Variants in UBE2N observed in about 807,000 individuals in gnomAD.
The protein encoded by UBE2N is ubiquitin conjugating enzyme E2 N.
For missense variants in UBE2N, 60 were observed against 192.1 expected (o/e 0.31, Z 4.07); for synonymous variants, 70 against 69.2 (o/e 1.01, Z -0.06).
rs1251404386 is a variant in UBE2N at position 93,409,819 on chromosome 12, A to G, written c.*220T>C. ...GGGCCACTGCTTTTAAACGTTTCAC[A>G]ACAATCCAGATGATACTTCTAGCCT... On this transcript the variant is annotated 3_prime_UTR_variant, in exon 4 of 4. Transcript: ENST00000318066. 1.6e-5 allele frequency: 9 copies of G among 546,788 alleles called. No homozygotes were observed. Among genetic ancestry groups the G allele is most frequent in the Non-Finnish European group, 2.6e-5 (8 of 306,016 alleles). The allele number at this position is 546,788 out of a possible 1,614,324, so 33.9% of individuals were successfully genotyped here.
Position 93,419,187 on chromosome 12 carries a change from G to A in UBE2N, c.31-7888C>T, listed in dbSNP as rs544518929. ...GGCCGAGGCGGGCAGATCACCTGAG[G>A]TCAGGAGTTCGAGACCAACATGGAG... is the stretch of plus-strand genomic sequence containing the variant. On this transcript the variant is annotated intron_variant, in intron 1 of 3. Transcript: ENST00000318066. 1.7e-3 allele frequency among the ~76,000 whole-genome samples: 255 copies of A among 152,226 alleles called. 1 individual carries two copies. The highest frequency in any genetic ancestry group is 6.1e-3 in the African/African-American group (252 of 41,540).
intron 1 of UBE2N, among the ~76,000 whole-genome samples, chr12:93,436,063 C>G (rs1170918653): frequency 2.6e-5 from 4 of 152,134 alleles, no homozygotes; most frequent in Non-Finnish European, 4.4e-5. Flanking sequence ...GGTAAGTTAA[C>G]TACTTTTTCC....
chr12:93,411,565 A>G (rs1422974904), intron 1 of UBE2N, among the ~76,000 whole-genome samples: 1 of 152,246 alleles, frequency 6.6e-6, no homozygotes, highest in East Asian at 1.9e-4. Context: ...TTAGCTTAAT[A>G]AAACTGATTT....
intron 3 of UBE2N, chr12:93,410,519 G>A: frequency 3.1e-6 from 2 of 649,182 alleles, no homozygotes; most frequent in Admixed American, 3.0e-5. Flanking sequence ...GTAGTTACAA[G>A]AGACTCCAAG....
intron 1 of UBE2N, among the ~76,000 whole-genome samples, chr12:93,440,228 C>T (rs1230087427): frequency 1.3e-5 from 2 of 152,148 alleles, no homozygotes; most frequent in Non-Finnish European, 2.9e-5. Flanking sequence ...ATTCATTTTT[C>T]AACTGGGGCC....
At chr12:93,411,352 C>A (rs1878024804) in intron 1 of UBE2N, 53 bp from the exon 2 acceptor site, 1 of 1,540,584 alleles carries the variant, frequency 6.5e-7, no homozygotes, top group Admixed American at 2.2e-5. Flanking sequence ...TTGCTAGACA[C>A]CAAAAGTAAA....
At chr12:93,424,019 C>G (rs190108128) in intron 1 of UBE2N, among the ~76,000 whole-genome samples, 1 of 152,244 alleles carries the variant, frequency 6.6e-6, no homozygotes, top group East Asian at 1.9e-4. Context: ...AGCCATTCTC[C>G]TAATAACCAA....
At chr12:93,411,938 C>T (rs1267238549) in intron 1 of UBE2N, among the ~76,000 whole-genome samples, 3 of 152,066 alleles carry the variant, frequency 2.0e-5, no homozygotes, top group Admixed American at 6.6e-5. Flanking sequence ...GTGATTTGCT[C>T]GCCTTGGCTT....
chr12:93,432,157 G>A (rs1256914571), intron 1 of UBE2N, among the ~76,000 whole-genome samples: 5 of 152,144 alleles, frequency 3.3e-5, no homozygotes, highest in Non-Finnish European at 7.3e-5. Context: ...GCTTGAACCC[G>A]GGAGGCAGAG....
chr12:93,422,539 T>A (rs1404728654), intron 1 of UBE2N, among the ~76,000 whole-genome samples: 3 of 152,180 alleles, frequency 2.0e-5, no homozygotes, highest in African/African-American at 4.8e-5. Flanking sequence ...GGAGTGGGTA[T>A]ATAACTTAGT....
At chr12:93,415,978 A>G (rs954746740) in intron 1 of UBE2N, among the ~76,000 whole-genome samples, 2 of 152,234 alleles carry the variant, frequency 1.3e-5, no homozygotes, top group Non-Finnish European at 2.9e-5. Context: ...GAATGTACAT[A>G]TTAAGCACAT....
At chr12:93,434,285 C>T (rs1381144325) in intron 1 of UBE2N, among the ~76,000 whole-genome samples, 1 of 151,894 alleles carries the variant, frequency 6.6e-6, no homozygotes, top group Non-Finnish European at 1.5e-5. Flanking sequence ...AGCGAGACTC[C>T]GTCTCAACAA....
rs1440430739 is a variant in UBE2N at position 93,406,436 on chromosome 12, A to C, written c.*3603T>G. 5.9e-5 allele frequency: 9 copies of C among 152,132 alleles called. No homozygotes were observed. The highest frequency in any genetic ancestry group is 1.2e-4 in the African/African-American group (5 of 41,432). 9.4% of individuals were successfully genotyped at this position (152,132 alleles called of 1,614,324 possible). On this transcript the variant is annotated 3_prime_UTR_variant, in exon 4 of 4. Coordinates refer to ENST00000318066, the MANE Select transcript of UBE2N (RefSeq NM_003348.4). Reference sequence around the variant, plus strand: ...TTTCCTTCCCCATTCTCCATCAAACAACCATAGCACCTGTGACTTTTATCT... The same window carrying C: ...TTTCCTTCCCCATTCTCCATCAAACCACCATAGCACCTGTGACTTTTATCT...
In UBE2N at chr12:93,413,461, G is replaced by C. The variant is rs866576148; in HGVS notation, c.31-2162C>G. Among the ~76,000 whole-genome samples the C allele has an allele frequency of 2.6e-5, 4 of 151,996 alleles. No individual in the cohort carries two copies. The South Asian group carries it at 8.3e-4, about 32-fold the overall frequency. ...TGAAGCCTCCCCTAATTCATATCTA[G>C]CCCAGACCTCTCCCCTCATCGTGCC... On this transcript the variant is annotated intron_variant, in intron 1 of 3. Coordinates refer to ENST00000318066, the MANE Select transcript of UBE2N (RefSeq NM_003348.4).
intron 1 of UBE2N, among the ~76,000 whole-genome samples, chr12:93,422,102 G>A (rs751904680): frequency 6.6e-6 from 1 of 151,812 alleles, no homozygotes; most frequent in Non-Finnish European, 1.5e-5. Flanking sequence ...TTCCCTCTTT[G>A]TTTTTTCAAA....
At chr12:93,426,758 G>A (rs945238470) in intron 1 of UBE2N, among the ~76,000 whole-genome samples, 2 of 152,134 alleles carry the variant, frequency 1.3e-5, no homozygotes, top group African/African-American at 4.8e-5. Context: ...TTGTGATTCT[G>A]GAGGTAGGAC....
chr12:93,428,018 T>C (rs1878646563), intron 1 of UBE2N, among the ~76,000 whole-genome samples: 1 of 152,158 alleles, frequency 6.6e-6, no homozygotes, highest in African/African-American at 2.4e-5. Flanking sequence ...CAGGCTCAAG[T>C]GATCCTCCCA....
intron 1 of UBE2N, among the ~76,000 whole-genome samples, chr12:93,440,668 C>T (rs1351445277): frequency 1.3e-5 from 2 of 152,182 alleles, no homozygotes; most frequent in Admixed American, 1.3e-4. Context: ...CAAAATGATG[C>T]TGCAATTGAG....
At chr12:93,412,901 G>C (rs1459074672) in intron 1 of UBE2N, among the ~76,000 whole-genome samples, 1 of 152,184 alleles carries the variant, frequency 6.6e-6, no homozygotes, top group East Asian at 1.9e-4. Context: ...AAAGTATATT[G>C]ATTTCTTTAT....
Sources: allele counts gnomAD v4.1 joint callset (sites outside exome capture counted in the v4.1 genomes callset), GRCh38; gene constraint gnomAD v4.1.1; transcripts MANE v1.5; gene names NCBI Gene and HGNC (gene_info 2026-07-23, HGNC 2026-07-21).